Variants in ST3GAL5 observed in about 807,000 individuals in gnomAD.
ST3GAL5 encodes ST3 beta-galactoside alpha-2,3-sialyltransferase 5.
In ST3GAL5, 25 loss-of-function variants were observed where a neutral mutation model predicts 46.1. The observed-to-expected ratio is 0.54, with a 90% CI of 0.40 to 0.76. ST3GAL5 has a LOEUF of 0.76. ST3GAL5 is among the 30% of genes least tolerant of loss of function. The pLI, the probability that ST3GAL5 is intolerant of heterozygous loss-of-function variation, is 0.00. For synonymous variants in ST3GAL5, 182 were observed against 192.7 expected, an observed-to-expected ratio of 0.94 and a Z score of 0.46; for missense variants, 431 against 521.2, an observed-to-expected ratio of 0.83 and a Z score of 1.69.
intron 3 of ST3GAL5, chr2:85,850,885 T>C (rs1183658135): frequency 6.6e-6 from 1 of 152,140 alleles, no homozygotes; most frequent in Non-Finnish European, 1.5e-5. Context: ...AAGAGGTTAA[T>C]TTCAGGTTTC....
rs1165530861 is a variant in ST3GAL5, at chr2:85,837,352, CAT to C, written c.*2790_*2791del. On this transcript the variant is annotated 3_prime_UTR_variant, in exon 7 of 7. Transcript: ENST00000638572. ...GCCAAACACAGAAAGACAAATATCACATGTTCTCATTCCTATGTAGGAGCTAA... is the reference window on the plus strand; with the variant it reads ...GCCAAACACAGAAAGACAAATATCACGTTCTCATTCCTATGTAGGAGCTAA... The C allele has an allele frequency of 6.6e-6, 1 of 152,134 alleles. No individual in the cohort carries two copies. Among genetic ancestry groups the C allele is most frequent in the African/African-American group, 2.4e-5 (1 of 41,416 alleles). The allele number at this position is 152,134 out of a possible 1,614,324, so 9.4% of individuals were successfully genotyped here. A position where few individuals can be genotyped will look rare whatever the true frequency, so the allele number is the denominator to read the frequency against.
At chr2:85,869,980 T>TAAAAAA in intron 1 of ST3GAL5, 2 of 345,232 alleles carry the variant, frequency 5.8e-6, no homozygotes, top group Admixed American at 3.6e-5. Context: ...TCCGTTCAGT[T>TAAAAAA]AAGCAAACGA....
chr2:85,865,544 G>A, intron 1 of ST3GAL5, among the ~76,000 whole-genome samples: 1 of 152,224 alleles, frequency 6.6e-6, no homozygotes, highest in Non-Finnish European at 1.5e-5. Context: ...TAGAACAACT[G>A]AGATCCTGGA....
intron 2 of ST3GAL5, among the ~76,000 whole-genome samples, chr2:85,861,527 G>A (rs895898503): frequency 1.3e-5 from 2 of 150,788 alleles, no homozygotes; most frequent in African/African-American, 4.9e-5. Flanking sequence ...TTTTTTGCAA[G>A]AGCACTGTAA....
chr2:85,873,658 A>G (rs1686197551), intron 1 of ST3GAL5, among the ~76,000 whole-genome samples: 1 of 152,134 alleles, frequency 6.6e-6, no homozygotes, highest in African/African-American at 2.4e-5. Context: ...TGGAGACACT[A>G]AGTTCAGCTT....
intron 1 of ST3GAL5, among the ~76,000 whole-genome samples, chr2:85,884,095 G>T (rs541174123): frequency 6.6e-6 from 1 of 152,278 alleles, no homozygotes; most frequent in East Asian, 1.9e-4. Flanking sequence ...ACCCAGCTCT[G>T]CCCCCTATGG....
intron 2 of ST3GAL5, among the ~76,000 whole-genome samples, chr2:85,862,247 TA>T (rs1684808808): frequency 1.3e-5 from 2 of 151,946 alleles, no homozygotes; most frequent in African/African-American, 2.4e-5. Flanking sequence ...TCAATTTGTG[TA>T]AAAGTGGGTT....
At chr2:85,876,651 C>T (rs371536384) in intron 1 of ST3GAL5, among the ~76,000 whole-genome samples, 4 of 151,798 alleles carry the variant, frequency 2.6e-5, no homozygotes, top group South Asian at 2.1e-4. Flanking sequence ...TTAGTAGAGA[C>T]GGGGTTTCAC....
chr2:85,874,067 C>T (rs1686252723), intron 1 of ST3GAL5, among the ~76,000 whole-genome samples: 1 of 152,196 alleles, frequency 6.6e-6, no homozygotes, highest in Non-Finnish European at 1.5e-5. Context: ...GACCTACCTT[C>T]TGCAATGAAA....
In ST3GAL5 at chr2:85,840,027, A is replaced by C. The variant is rs1482709708; in HGVS notation, c.*117T>G. 4 of 1,493,966 alleles carry C rather than the reference A, an allele frequency of 2.7e-6. No homozygotes were observed. The highest frequency in any genetic ancestry group is 3.6e-6 in the Non-Finnish European group (4 of 1,101,510). 92.5% of individuals were successfully genotyped at this position (1,493,966 alleles called of 1,614,324 possible). A position where few individuals can be genotyped will look rare whatever the true frequency, so the allele number is the denominator to read the frequency against. On this transcript the variant is annotated 3_prime_UTR_variant, in exon 7 of 7. Coordinates refer to ENST00000638572, the MANE Select transcript of ST3GAL5 (RefSeq NM_003896.4). ...AATTTTTTTTGTGTTTTTAAATTAA[A>C]AGTTAAAAACATGAGCTGCACTTCA...
intron 3 of ST3GAL5, among the ~76,000 whole-genome samples, chr2:85,852,605 C>T (rs967570357): frequency 2.0e-5 from 3 of 152,024 alleles, no homozygotes; most frequent in Non-Finnish European, 2.9e-5. Context: ...AGAGGGGCTC[C>T]GGGGAACTCG....
Position 85,841,335 on chromosome 2 carries a change from G to GTT in ST3GAL5, c.1009-945_1009-944dup, listed in dbSNP as rs535707010. Among the ~76,000 whole-genome samples, 545 of 146,718 alleles carry GTT rather than the reference G, an allele frequency of 3.7e-3. 7 individuals are homozygous for GTT. Among genetic ancestry groups the GTT allele is most frequent in the African/African-American group, 0.012 (501 of 40,222 alleles). On this transcript the variant is annotated intron_variant, in intron 6 of 6. Transcript: ENST00000638572. The stretch of plus-strand genomic sequence containing the variant: ...CCGTCTGTTTGGGCAAGTAAATTTT[G>GTT]TTTTTTTTTTTGAGACAGCATCGGT...
chr2:85,875,012 A>C (rs1302348700), intron 1 of ST3GAL5, among the ~76,000 whole-genome samples: 1 of 152,126 alleles, frequency 6.6e-6, no homozygotes, highest in African/African-American at 2.4e-5. Context: ...GGGGAACAAT[A>C]TAAAATGACT....
At chr2:85,841,665 T>C (rs908057860) in intron 6 of ST3GAL5, among the ~76,000 whole-genome samples, 4 of 152,210 alleles carry the variant, frequency 2.6e-5, no homozygotes, top group Admixed American at 6.5e-5. Context: ...GAATTAAATA[T>C]TTCCACATTT....
intron 2 of ST3GAL5, 136 bp downstream of exon 2, chr2:85,863,226 G>C (rs1684913526): frequency 6.5e-7 from 1 of 1,528,628 alleles, no homozygotes; most frequent in East Asian, 2.3e-5. Flanking sequence ...ACGTGCCTTT[G>C]AATGTCTGAG....
At chr2:85,860,746 A>G (rs960232934) in intron 3 of ST3GAL5, among the ~76,000 whole-genome samples, 5 of 151,378 alleles carry the variant, frequency 3.3e-5, no homozygotes, top group African/African-American at 1.2e-4. Flanking sequence ...GGTGGTGCAC[A>G]CCTGTGGTCC....
At position 85,844,689 on chromosome 2, in the gene ST3GAL5, T is replaced by C; in HGVS notation, c.850-135A>G. The C allele has an allele frequency of 9.0e-6, 11 of 1,222,306 alleles. No individual in the cohort carries two copies. The South Asian group carries it at 1.0e-4, about 11-fold the overall frequency. The allele number at this position is 1,222,306 out of a possible 1,614,324, so 75.7% of individuals were successfully genotyped here. On this transcript the variant is annotated intron_variant, in intron 5 of 6. Transcript: ENST00000638572. ...TGCCTTCTGAAGCAATCTACTCCTA[T>C]AGATTGCAAAAGCTACGCAAATCCG...
intron 1 of ST3GAL5, 145 bp downstream of exon 1, chr2:85,888,679 G>A: frequency 3.6e-6 from 2 of 555,034 alleles, no homozygotes; most frequent in Non-Finnish European, 5.0e-6. Flanking sequence ...AGCCGGGCTC[G>A]CCTGAGGGTG....
intron 3 of ST3GAL5, chr2:85,851,716 G>A: frequency 7.8e-7 from 1 of 1,289,350 alleles, no homozygotes; most frequent in African/African-American, 1.5e-5. Context: ...GCAATGAAGA[G>A]AGGAAGCAGT....
Sources: allele counts gnomAD v4.1 joint callset (sites outside exome capture counted in the v4.1 genomes callset), GRCh38; gene constraint gnomAD v4.1.1; transcripts MANE v1.5; gene names NCBI Gene and HGNC (gene_info 2026-07-23, HGNC 2026-07-21).